The following AGAP1 variants were observed in gnomAD, a reference collection of about 807,000 sequenced individuals.
AGAP1 encodes arf-GAP with GTPase, ANK repeat and PH domain-containing protein 1.
A neutral mutation model predicts 105.3 loss-of-function variants in AGAP1; 29 were observed. The observed-to-expected ratio is 0.28, with a 90% CI of 0.21 to 0.38. The LOEUF is 0.38. Among genes scored for constraint, AGAP1 ranks in the 10% least tolerant of loss-of-function variants. AGAP1 has a pLI of 1.00. For missense variants in AGAP1, 998 were observed against 1,165.1 expected (o/e 0.86, Z 2.09); for synonymous variants, 509 against 485.9 (o/e 1.05, Z -0.63).
At position 236,000,656 on chromosome 2, in the gene AGAP1, A is replaced by G. The variant is rs912728853; in HGVS notation, c.1645+32033A>G. Among the ~76,000 whole-genome samples the G allele has an allele frequency of 5.9e-5, 9 of 152,222 alleles. No homozygotes were observed. Among genetic ancestry groups the G allele is most frequent in the African/African-American group, 1.9e-4 (8 of 41,458 alleles). The stretch of plus-strand genomic sequence containing the variant: ...CGTTGGCACTCACTTCCCTGCAGGG[A>G]GGTGCACAGTGAAGAATAAAACACA... On this transcript the variant is annotated intron_variant, in intron 13 of 17. Transcript: ENST00000304032. The surrounding 1 kb of genome is among the most constrained non-coding windows in gnomAD (Gnocchi z 4.3).
At chr2:235,834,224 A>C (rs968821836) in intron 9 of AGAP1, among the ~76,000 whole-genome samples, 3 of 152,146 alleles carry the variant, frequency 2.0e-5, no homozygotes, top group African/African-American at 7.2e-5. Flanking sequence ...AGCTACTTCC[A>C]CAGGTACACA....
chr2:235,776,287 T>G (rs919928461), intron 6 of AGAP1, among the ~76,000 whole-genome samples: 7 of 152,062 alleles, frequency 4.6e-5, no homozygotes, highest in Non-Finnish European at 1.0e-4. Context: ...TGTTGCCTCC[T>G]CCCTCAGCCT....
chr2:235,645,623 G>A (rs2149313838), intron 1 of AGAP1, among the ~76,000 whole-genome samples: 1 of 152,142 alleles, frequency 6.6e-6, no homozygotes, highest in South Asian at 2.1e-4. Context: ...GGCCTGGCAG[G>A]GGCACACAGC....
At chr2:235,923,755 C>T (rs1166218944) in intron 11 of AGAP1, among the ~76,000 whole-genome samples, 3 of 152,278 alleles carry the variant, frequency 2.0e-5, no homozygotes, top group South Asian at 2.1e-4. Flanking sequence ...TCATTCCCAG[C>T]GTGGGGCTGT....
intron 1 of AGAP1, among the ~76,000 whole-genome samples, chr2:235,562,193 A>G (rs1293531835): frequency 6.6e-6 from 1 of 152,194 alleles, no homozygotes; most frequent in Non-Finnish European, 1.5e-5. Flanking sequence ...TTCCTCTGTT[A>G]CATTAAGTGT....
Position 235,664,940 on chromosome 2 carries a change from G to A in AGAP1, c.164-44239G>A, listed in dbSNP as rs1948079171. ...TTTACCATAAATGAAAAAAACGTTA[G>A]CCAAGCATGGTGGCTCACGCCTGTA... On this transcript the variant is annotated intron_variant, in intron 1 of 17. Transcript: ENST00000304032. The surrounding 1 kb of genome is among the most constrained non-coding windows in gnomAD (Gnocchi z 5.7). Among the ~76,000 whole-genome samples, 1 of 152,166 alleles carries A rather than the reference G, an allele frequency of 6.6e-6. No individual in the cohort carries two copies. The highest frequency in any genetic ancestry group is 2.4e-5 in the African/African-American group (1 of 41,440).
rs750072349 is a variant in AGAP1 at position 235,744,710 on chromosome 2, G to C, written c.409G>C (p.Val137Leu). ...CTTCTCTCCCTAGTTTGCCATGTGG[G>C]TGGACGCTGTTATATTTGTCTTCAG... ...GPPEAQFAMW[V>L]DAVIFVFSLE... is the part of the protein sequence containing the mutation. Residue 137 changes from valine to leucine, a missense_variant, in exon 5 of 18, where the codon GTG becomes CTG. Transcript: ENST00000304032. This position sits in a 1 kb window ranked among gnomAD's most constrained non-coding sequence, Gnocchi z 5.2. 11 of 1,613,772 alleles carry C rather than the reference G, an allele frequency of 6.8e-6. No homozygotes were observed. The highest frequency in any genetic ancestry group is 8.5e-6 in the Non-Finnish European group (10 of 1,180,008).
At chr2:236,007,226 C>T (rs747582565) in intron 13 of AGAP1, among the ~76,000 whole-genome samples, 2 of 152,192 alleles carry the variant, frequency 1.3e-5, no homozygotes, top group Non-Finnish European at 2.9e-5. Flanking sequence ...TCAAGCCACA[C>T]GTCAGGATAC....
rs569810156 is a variant in AGAP1, at chr2:236,078,760, G to A, written c.2114+29479G>A. On this transcript the variant is annotated intron_variant, in intron 16 of 17. Transcript: ENST00000304032. The surrounding 1 kb of genome is among the most constrained non-coding windows in gnomAD (Gnocchi z 5.3). ...GTCCACCCTCTGGCCCCTTCTCCCT[G>A]TAGGATTCCTAAGCTTGAGCCAGAC... is the stretch of plus-strand genomic sequence containing the variant. Among the ~76,000 whole-genome samples the A allele has an allele frequency of 9.2e-5, 14 of 152,296 alleles. No individual in the cohort carries two copies. The highest frequency in any genetic ancestry group is 3.4e-4 in the African/African-American group (14 of 41,574).
chr2:235,968,543 C>T lies in AGAP1; in HGVS notation c.1565C>T (p.Pro522Leu), dbSNP rs1575921000. The stretch of plus-strand genomic sequence containing the variant: ...CCCAAGCTCGACCCGCCCCCCTCCC[C>T]TCACGCCAACAGAAAGAAGCACCGA... ...TSPKLDPPPSPHANRKKHRRK... is the reference protein window; with the variant it reads ...TSPKLDPPPSLHANRKKHRRK... The change falls in exon 13 of 18, where the codon CCT becomes CTT. Residue 522 changes from proline to leucine, a missense_variant. Physicochemically the swap from Pro to Leu is moderately conservative, Grantham distance 98 (BLOSUM62 -3). Transcript: ENST00000304032. 1 of 1,142,964 alleles carries T rather than the reference C, an allele frequency of 8.7e-7. No individual in the cohort carries two copies. The allele number at this position is 1,142,964 out of a possible 1,614,324, so 70.8% of individuals were successfully genotyped here. A position where few individuals can be genotyped will look rare whatever the true frequency, so the allele number is the denominator to read the frequency against.
rs920832816 is a variant in AGAP1 at position 235,951,707 on chromosome 2, G to C, written c.1484-16755G>C. ...CATTCTCGGGAATCGCTTGTTGTCTGTTGGTACAAAATAAACATTTCCTCC... is the reference window on the plus strand; with the variant it reads ...CATTCTCGGGAATCGCTTGTTGTCTCTTGGTACAAAATAAACATTTCCTCC... On this transcript the variant is annotated intron_variant, in intron 12 of 17. Transcript: ENST00000304032. This position sits in a 1 kb window ranked among gnomAD's most constrained non-coding sequence, Gnocchi z 4.2. 6.6e-6 allele frequency among the ~76,000 whole-genome samples: 1 copy of C among 152,174 alleles called. No homozygotes were observed. Among genetic ancestry groups the C allele is most frequent in the African/African-American group, 2.4e-5 (1 of 41,442 alleles).
intron 9 of AGAP1, among the ~76,000 whole-genome samples, chr2:235,838,843 TAAAG>T (rs1162002316): frequency 6.6e-6 from 1 of 152,172 alleles, no homozygotes; most frequent in Admixed American, 6.5e-5. Context: ...CCTAATTGAT[TAAAG>T]ACTTTTTTTT....
At chr2:235,755,973 GA>G (rs1331741728) in intron 6 of AGAP1, among the ~76,000 whole-genome samples, 1 of 152,188 alleles carries the variant, frequency 6.6e-6, no homozygotes, top group Admixed American at 6.5e-5. Context: ...CCTCCCTTCA[GA>G]AGGCCAAGTC....
In AGAP1 at chr2:235,883,673, A is replaced by G. The variant is rs959515107; in HGVS notation, c.1155+224A>G. On this transcript the variant is annotated intron_variant, in intron 10 of 17. Coordinates refer to ENST00000304032, the MANE Select transcript of AGAP1 (RefSeq NM_001037131.3). This position sits in a 1 kb window ranked among gnomAD's most constrained non-coding sequence, Gnocchi z 4.5. ...CTACCAGTCAATCTGTGGCTTTCCA[A>G]TTCTACAAAGAATTACAATAAAAGG... Among the ~76,000 whole-genome samples the G allele has an allele frequency of 1.3e-5, 2 of 152,194 alleles. No homozygotes were observed. Among genetic ancestry groups the G allele is most frequent in the African/African-American group, 2.4e-5 (1 of 41,456 alleles).
rs1045650496 is a variant in AGAP1 at position 235,864,709 on chromosome 2, G to A, written c.1051-18636G>A. Among the ~76,000 whole-genome samples, 1 of 152,124 alleles carries A rather than the reference G, an allele frequency of 6.6e-6. No homozygotes were observed. Among genetic ancestry groups the A allele is most frequent in the African/African-American group, 2.4e-5 (1 of 41,426 alleles). On this transcript the variant is annotated intron_variant, in intron 9 of 17. Transcript: ENST00000304032. This position sits in a 1 kb window ranked among gnomAD's most constrained non-coding sequence, Gnocchi z 5.0. ...AATATTAACTAGAAAAATCAAGAGG[G>A]GATCTGTCAGTCCTGGTGGGAAAAA...
rs1946562417 is a variant in AGAP1, at chr2:235,623,987, T to G, written c.164-85192T>G. 6.6e-6 allele frequency among the ~76,000 whole-genome samples: 1 copy of G among 152,198 alleles called. No individual in the cohort carries two copies. The highest frequency in any genetic ancestry group is 1.5e-5 in the Non-Finnish European group (1 of 68,042). The stretch of plus-strand genomic sequence containing the variant: ...GCAGTCTTAGGGGATCTGTCACTGC[T>G]TACTACTAACAGAAGAACACCAAAA... On this transcript the variant is annotated intron_variant, in intron 1 of 17. Coordinates refer to ENST00000304032, the MANE Select transcript of AGAP1 (RefSeq NM_001037131.3). The surrounding 1 kb of genome is among the most constrained non-coding windows in gnomAD (Gnocchi z 4.5).
Position 235,631,429 on chromosome 2 carries a change from G to T in AGAP1, c.164-77750G>T, listed in dbSNP as rs7594343. ...GGGAGAGCCAAGGAGGACAGCCTCC[G>T]GGTGGGCCATCACTGCTGGTAGAGA... On this transcript the variant is annotated intron_variant, in intron 1 of 17. Coordinates refer to ENST00000304032, the MANE Select transcript of AGAP1 (RefSeq NM_001037131.3). This position sits in a 1 kb window ranked among gnomAD's most constrained non-coding sequence, Gnocchi z 5.4. Among the ~76,000 whole-genome samples, 1 of 152,190 alleles carries T rather than the reference G, an allele frequency of 6.6e-6. No individual in the cohort carries two copies. Among genetic ancestry groups the T allele is most frequent in the African/African-American group, 2.4e-5 (1 of 41,450 alleles).
chr2:235,936,402 A>G lies in AGAP1; in HGVS notation c.1483+5479A>G, dbSNP rs182802293. Among the ~76,000 whole-genome samples, 182 of 152,302 alleles carry G rather than the reference A, an allele frequency of 1.2e-3. No individual in the cohort carries two copies. Among genetic ancestry groups the G allele is most frequent in the African/African-American group, 4.0e-3 (167 of 41,560 alleles). ...GTGGTTATAAAGCAGCCGATCCTCA[A>G]TGGAAAGCATTTGAGTTTTTGCCAG... On this transcript the variant is annotated intron_variant, in intron 12 of 17. Transcript: ENST00000304032. The surrounding 1 kb of genome is among the most constrained non-coding windows in gnomAD (Gnocchi z 4.7).
intron 9 of AGAP1, among the ~76,000 whole-genome samples, chr2:235,853,634 A>G (rs1474604559): frequency 6.6e-6 from 1 of 152,300 alleles, no homozygotes; most frequent in Middle Eastern, 3.4e-3. Context: ...AGACAATATG[A>G]CTGAACAGTG....
Sources: allele counts gnomAD v4.1 joint callset (sites outside exome capture counted in the v4.1 genomes callset), GRCh38; gene constraint gnomAD v4.1.1; non-coding constraint Gnocchi (gnomAD v3.1); transcripts MANE v1.5; gene names NCBI Gene and HGNC (gene_info 2026-07-23, HGNC 2026-07-21).